Variants in STK10 observed in about 807,000 individuals in gnomAD.
STK10 encodes serine/threonine-protein kinase 10.
Under a neutral mutation model 113.8 loss-of-function variants are expected in STK10, and 78 were observed. The ratio of observed to expected loss-of-function variants is 0.69; its 90% CI spans 0.57 to 0.83. The LOEUF is 0.83. Among genes scored for constraint, STK10 ranks in the 40% least tolerant of loss-of-function variants. STK10 has a pLI of 0.00. For synonymous variants in STK10, 465 were observed against 494.7 expected, an observed-to-expected ratio of 0.94 and a Z score of 0.80; for missense variants, 1,109 against 1,280.1, an observed-to-expected ratio of 0.87 and a Z score of 2.04.
At chr5:172,146,185 C>T (rs546383924) in intron 2 of STK10, among the ~76,000 whole-genome samples, 1 of 152,332 alleles carries the variant, frequency 6.6e-6, no homozygotes, top group East Asian at 1.9e-4. Flanking sequence ...GTCTGTGCCC[C>T]AGCACCTAAA....
rs1168386804 is a variant in STK10, at chr5:172,093,395, G to A, written c.1554+17C>T. The A allele has an allele frequency of 1.3e-6, 2 of 1,570,006 alleles. No individual in the cohort carries two copies. Among genetic ancestry groups the A allele is most frequent in the Non-Finnish European group, 1.7e-6 (2 of 1,152,318 alleles). On this transcript the variant is annotated intron_variant, in intron 9 of 18. Coordinates refer to ENST00000176763, the MANE Select transcript of STK10 (RefSeq NM_005990.4). This position sits in a 1 kb window ranked among gnomAD's most constrained non-coding sequence, Gnocchi z 4.1. ...AATGGTCTTGCTGCAAGCCCGTGGT[G>A]GCAGAGGCGGTGTTACCTTGATGGA... is the stretch of plus-strand genomic sequence containing the variant.
chr5:172,184,168 T>C (rs1310102850), intron 1 of STK10, among the ~76,000 whole-genome samples: 1 of 152,194 alleles, frequency 6.6e-6, no homozygotes, highest in Non-Finnish European at 1.5e-5. Context: ...GTTCCAGCCA[T>C]AACACCAAGA....
rs199959256 is a variant in STK10, at chr5:172,052,936, C to A, written c.2759G>T (p.Arg920Leu). 16 of 1,613,826 alleles carry A rather than the reference C, an allele frequency of 9.9e-6. No homozygotes were observed. The highest frequency in any genetic ancestry group is 6.7e-5 in the African/African-American group (5 of 74,922). ...CAGCTCGGATAAAGTTACCTTCTTGCGCGGCCGAAGCTTGTCCCGCCATTC... is the reference window on the plus strand; with the variant it reads ...CAGCTCGGATAAAGTTACCTTCTTGAGCGGCCGAAGCTTGTCCCGCCATTC... ...LKEWRDKLRP[R>L]KKALEEDLNQ... The change falls in exon 18 of 19, where the codon CGC becomes CTC. Residue 920 changes from arginine (R) to leucine (L), a missense_variant. Coordinates refer to ENST00000176763, the MANE Select transcript of STK10 (RefSeq NM_005990.4).
intron 4 of STK10, among the ~76,000 whole-genome samples, chr5:172,110,177 C>G (rs1436206087): frequency 6.6e-6 from 1 of 152,110 alleles, no homozygotes; most frequent in Admixed American, 6.5e-5. Flanking sequence ...AGAGAGTAAG[C>G]AAATAAACAA....
intron 10 of STK10, among the ~76,000 whole-genome samples, chr5:172,083,916 C>CAAAAAAAAAAA (rs1208927534): frequency 2.6e-5 from 1 of 38,456 alleles, no homozygotes; most frequent in Non-Finnish European, 5.3e-5. Context: ...CTCAACAACA[C>CAAAAAAAAAAA]AAAAAAAAGA....
chr5:172,043,090 AT>A lies in STK10; in HGVS notation c.*1791del, dbSNP rs59515228. 21,632 of 136,972 alleles carry A rather than the reference AT, an allele frequency of 0.16. 2,654 individuals are homozygous for A. The highest frequency in any genetic ancestry group is 0.4 in the African/African-American group (14,108 of 35,098). 8.5% of individuals were successfully genotyped at this position (136,972 alleles called of 1,614,324 possible). A position where few individuals can be genotyped will look rare whatever the true frequency, so the allele number is the denominator to read the frequency against. On this transcript the variant is annotated 3_prime_UTR_variant, in exon 19 of 19. Coordinates refer to ENST00000176763, the MANE Select transcript of STK10 (RefSeq NM_005990.4). Reference sequence around the variant, plus strand: ...CATATTAGAGACCCTGTCTCAAAGAATTTTTTTTTTTTTTTTTTTTGAGAGA... The same window carrying A: ...CATATTAGAGACCCTGTCTCAAAGAATTTTTTTTTTTTTTTTTTTGAGAGA...
At chr5:172,137,823 C>T (rs1769895537) in intron 2 of STK10, among the ~76,000 whole-genome samples, 1 of 135,108 alleles carries the variant, frequency 7.4e-6, no homozygotes, top group Admixed American at 7.9e-5. Context: ...AACCTGGAGG[C>T]GGAGCTTGCA....
rs1032339023 is a variant in STK10, at chr5:172,082,890, T to G, written c.1809+71A>C. The G allele has an allele frequency of 6.3e-7, 1 of 1,585,204 alleles. No homozygotes were observed. The highest frequency in any genetic ancestry group is 1.9e-5 in the Admixed American group (1 of 53,332). ...CTCTCCACTACCCAATCATTCCCACTATGTAGCTTCCACTGAGAGAACACC... is the reference window on the plus strand; with the variant it reads ...CTCTCCACTACCCAATCATTCCCACGATGTAGCTTCCACTGAGAGAACACC... On this transcript the variant is annotated intron_variant, in intron 11 of 18. Coordinates refer to ENST00000176763, the MANE Select transcript of STK10 (RefSeq NM_005990.4). This position sits in a 1 kb window ranked among gnomAD's most constrained non-coding sequence, Gnocchi z 4.3.
At chr5:172,114,097 G>C (rs554217072) in intron 4 of STK10, among the ~76,000 whole-genome samples, 1 of 152,164 alleles carries the variant, frequency 6.6e-6, no homozygotes, top group African/African-American at 2.4e-5. Context: ...ACTTAAGAAA[G>C]ACTAAGTAAT....
At chr5:172,059,434 CAAA>C (rs58446505) in intron 14 of STK10, among the ~76,000 whole-genome samples, 12,598 of 55,880 alleles carry the variant, frequency 0.23, 492 homozygotes, top group African/African-American at 0.31. Context: ...CTCTCCATCT[CAAA>C]AAAAAAAAAA....
intron 2 of STK10, among the ~76,000 whole-genome samples, chr5:172,148,483 C>A (rs1770134300): frequency 6.6e-6 from 1 of 152,206 alleles, no homozygotes; most frequent in Admixed American, 6.5e-5. Flanking sequence ...ATAGACAGCC[C>A]AGGCCGGCTA....
chr5:172,129,840 G>C (rs558508668), intron 2 of STK10, among the ~76,000 whole-genome samples: 1 of 152,204 alleles, frequency 6.6e-6, no homozygotes, highest in Non-Finnish European at 1.5e-5. Context: ...CTGTGAGATG[G>C]GGATGATACA....
intron 4 of STK10, among the ~76,000 whole-genome samples, chr5:172,114,388 TACTG>T (rs1167973342): frequency 2.8e-5 from 4 of 142,990 alleles, no homozygotes; most frequent in Admixed American, 2.1e-4. Flanking sequence ...AAAACTATAA[TACTG>T]ACAACTAAAC....
chr5:172,115,815 T>C (rs763087834), intron 4 of STK10, among the ~76,000 whole-genome samples: 16 of 152,220 alleles, frequency 1.1e-4, no homozygotes, highest in Non-Finnish European at 1.6e-4. Flanking sequence ...GCTGGCTCAG[T>C]GCATGGTAGC....
At position 172,057,079 on chromosome 5, in the gene STK10, AAG is replaced by A. The variant is rs1359594100; in HGVS notation, c.2337+268_2337+269del. 5 of 317,122 alleles carry A rather than the reference AAG, an allele frequency of 1.6e-5. No individual in the cohort carries two copies. The East Asian group carries it at 1.7e-4, about 10-fold the overall frequency. The allele number at this position is 317,122 out of a possible 1,614,324, so 19.6% of individuals were successfully genotyped here. A position where few individuals can be genotyped will look rare whatever the true frequency, so the allele number is the denominator to read the frequency against. On this transcript the variant is annotated intron_variant, in intron 15 of 18. Coordinates refer to ENST00000176763, the MANE Select transcript of STK10 (RefSeq NM_005990.4). ...GAAGAAAGGGAAAAAAAAGAAAAGAAAGAGACATACACAGCAAGTAACAGTCA... is the reference window on the plus strand; with the variant it reads ...GAAGAAAGGGAAAAAAAAGAAAAGAAAGACATACACAGCAAGTAACAGTCA...
At chr5:172,132,944 T>C (rs1231373798) in intron 2 of STK10, among the ~76,000 whole-genome samples, 1 of 152,202 alleles carries the variant, frequency 6.6e-6, no homozygotes, top group Middle Eastern at 3.2e-3. Flanking sequence ...GTCATTAACC[T>C]GCCTTAGAGC....
chr5:172,125,742 G>T (rs1428186454), intron 3 of STK10, among the ~76,000 whole-genome samples: 1 of 152,176 alleles, frequency 6.6e-6, no homozygotes, highest in Non-Finnish European at 1.5e-5. Context: ...GTTTATGCTT[G>T]CAAAGTATGT....
chr5:172,131,953 T>C (rs970225815), intron 2 of STK10, among the ~76,000 whole-genome samples: 2 of 152,224 alleles, frequency 1.3e-5, no homozygotes, highest in Non-Finnish European at 2.9e-5. Context: ...GTGAGTTCAG[T>C]TGCTGGCTCT....
At chr5:172,062,825 G>A (rs1767964417) in intron 13 of STK10, among the ~76,000 whole-genome samples, 2 of 152,222 alleles carry the variant, frequency 1.3e-5, no homozygotes, top group African/African-American at 4.8e-5. Context: ...TGGCGGAGAT[G>A]GCCGCACAAT....
Sources: gnomAD v4.1 joint callset for allele counts (sites outside exome capture counted in the v4.1 genomes callset) on GRCh38, gnomAD v4.1.1 for gene constraint, Gnocchi (gnomAD v3.1) non-coding constraint, MANE v1.5 for transcripts, NCBI Gene and HGNC (gene_info 2026-07-23, HGNC 2026-07-21) for gene names.